TYR: variants seen among roughly 807,000 people sequenced by gnomAD.
The protein encoded by TYR is LB24-AB.
In TYR, 58 loss-of-function variants were observed where a neutral mutation model predicts 51.5. The observed-to-expected ratio is 1.13, with a 90% CI of 0.91 to 1.40. The LOEUF (loss-of-function observed/expected upper bound fraction) is 1.40. TYR is among the 40% of genes most tolerant of loss of function. TYR has a pLI of 0.00. For missense variants in TYR, 732 were observed against 647.4 expected, an observed-to-expected ratio of 1.13 and a Z score of -1.42; for synonymous variants, 263 against 235.2, an observed-to-expected ratio of 1.12 and a Z score of -1.08.
chr11:89,220,496 A>C (rs1228184883), intron 2 of TYR, among the ~76,000 whole-genome samples: 4 of 152,240 alleles, frequency 2.6e-5, no homozygotes, highest in Admixed American at 2.0e-4. Context: ...ACACATATCC[A>C]AACTATATCA....
chr11:89,262,538 T>C (rs1289679212), intron 3 of TYR, among the ~76,000 whole-genome samples: 9 of 125,570 alleles, frequency 7.2e-5, no homozygotes, highest in Admixed American at 1.6e-4. Flanking sequence ...GTAGAGAAAA[T>C]CAATGAAACA....
Position 89,191,471 on chromosome 11 carries a change from C to A in TYR, c.1036+53C>A, listed in dbSNP as rs897823199. On this transcript the variant is annotated intron_variant, in intron 2 of 4. Coordinates refer to ENST00000263321, the MANE Select transcript of TYR (RefSeq NM_000372.5). ...TTTTTTCTGAATTCATATTTACAGT[C>A]TCTTATCCAAAGTCCTAGGAGGTAT... The A allele has an allele frequency of 2.6e-6, 4 of 1,543,650 alleles. No individual in the cohort carries two copies. The Admixed American group carries it at 5.0e-5, about 19-fold the overall frequency.
intron 2 of TYR, among the ~76,000 whole-genome samples, chr11:89,199,474 C>T (rs1400227162): frequency 2.0e-5 from 3 of 152,124 alleles, no homozygotes; most frequent in African/African-American, 7.2e-5. Context: ...TAGGAAGATT[C>T]ACTGGAAAGA....
At chr11:89,222,037 A>T (rs1184397535) in intron 2 of TYR, among the ~76,000 whole-genome samples, 1 of 152,262 alleles carries the variant, frequency 6.6e-6, no homozygotes, top group East Asian at 1.9e-4. Context: ...TTCTTAAATC[A>T]TAATTTTCAA....
chr11:89,255,469 G>A (rs1944379455), intron 3 of TYR, among the ~76,000 whole-genome samples: 1 of 151,640 alleles, frequency 6.6e-6, no homozygotes, highest in Admixed American at 6.6e-5. Flanking sequence ...GGAAGGGTTT[G>A]TATTTAATTG....
intron 3 of TYR, among the ~76,000 whole-genome samples, chr11:89,242,132 G>A (rs1473027054): frequency 6.6e-6 from 1 of 152,108 alleles, no homozygotes; most frequent in East Asian, 1.9e-4. Context: ...TTCAGAGAAA[G>A]ATGAGTGTCC....
intron 3 of TYR, among the ~76,000 whole-genome samples, chr11:89,248,381 G>GCTAC (rs1216177412): frequency 3.9e-5 from 6 of 152,062 alleles, no homozygotes; most frequent in African/African-American, 1.4e-4. Flanking sequence ...GTTGAGATAG[G>GCTAC]CTACCTATAG....
chr11:89,223,203 G>A lies in TYR; in HGVS notation c.1037-4620G>A, dbSNP rs1279336999. The stretch of plus-strand genomic sequence containing the variant: ...TAGTTTTCACATTTGTAAAACTGAG[G>A]TAATGATAATATTCATATCACAAGT... On this transcript the variant is annotated intron_variant, in intron 2 of 4. Transcript: ENST00000263321. Among the ~76,000 whole-genome samples the A allele has an allele frequency of 6.6e-5, 10 of 152,244 alleles. No homozygotes were observed. The East Asian group carries it at 1.7e-3, about 26-fold the overall frequency.
intron 2 of TYR, among the ~76,000 whole-genome samples, chr11:89,195,115 A>G (rs1455583434): frequency 6.6e-6 from 1 of 152,194 alleles, no homozygotes; most frequent in Non-Finnish European, 1.5e-5. Flanking sequence ...AGAGGAGAGC[A>G]AATGTCAAAA....
At chr11:89,181,478 A>C (rs941832685) in intron 1 of TYR, among the ~76,000 whole-genome samples, 1 of 152,236 alleles carries the variant, frequency 6.6e-6, no homozygotes, top group African/African-American at 2.4e-5. Context: ...GCCTTTGTCC[A>C]AATTGAATGC....
chr11:89,211,798 C>A (rs957938895), intron 2 of TYR, among the ~76,000 whole-genome samples: 2 of 152,148 alleles, frequency 1.3e-5, no homozygotes, highest in Non-Finnish European at 2.9e-5. Context: ...GAAATTCACT[C>A]AAAACCACAC....
chr11:89,222,268 G>T (rs897069794), intron 2 of TYR, among the ~76,000 whole-genome samples: 6 of 152,156 alleles, frequency 3.9e-5, no homozygotes, highest in Non-Finnish European at 7.3e-5. Flanking sequence ...CTGGTCACAT[G>T]TTAGAACGAC....
chr11:89,290,000 G>A (rs1487212423), intron 4 of TYR, among the ~76,000 whole-genome samples: 1 of 151,940 alleles, frequency 6.6e-6, no homozygotes, highest in Non-Finnish European at 1.5e-5. Context: ...TAGTTTAATC[G>A]CTCCAGGCAG....
intron 4 of TYR, among the ~76,000 whole-genome samples, chr11:89,287,285 T>C (rs1434686855): frequency 6.6e-6 from 1 of 151,882 alleles, no homozygotes; most frequent in Non-Finnish European, 1.5e-5. Context: ...TTAACTAATA[T>C]AAGTGAAGTT....
intron 2 of TYR, among the ~76,000 whole-genome samples, chr11:89,198,733 C>T (rs577428425): frequency 1.3e-5 from 2 of 148,642 alleles, no homozygotes; most frequent in South Asian, 4.2e-4. Context: ...ACTCATTTTA[C>T]TCAAAAGGTA....
At chr11:89,224,929 A>AT (rs10671315) in intron 2 of TYR, among the ~76,000 whole-genome samples, 37,029 of 149,762 alleles carry the variant, frequency 0.25, 4,591 homozygotes, top group Non-Finnish European at 0.27. Flanking sequence ...TGTAAAAACT[A>AT]TTTTTTTTTT....
intron 3 of TYR, among the ~76,000 whole-genome samples, chr11:89,228,539 A>ACC (rs1251807469): frequency 6.6e-6 from 1 of 152,196 alleles, no homozygotes; most frequent in East Asian, 1.9e-4. Context: ...CCTGGCACTA[A>ACC]CCTACTACAT....
At chr11:89,202,214 A>G (rs765959210) in intron 2 of TYR, among the ~76,000 whole-genome samples, 4 of 152,112 alleles carry the variant, frequency 2.6e-5, no homozygotes, top group Non-Finnish European at 5.9e-5. Flanking sequence ...GGCAGGGTAA[A>G]AGGTGTTTTC....
At chr11:89,196,642 C>T (rs889947264) in intron 2 of TYR, among the ~76,000 whole-genome samples, 1 of 152,144 alleles carries the variant, frequency 6.6e-6, no homozygotes, top group Non-Finnish European at 1.5e-5. Context: ...CTTGGTTGAT[C>T]ATATATTGTT....
Sources: allele counts gnomAD v4.1 joint callset (sites outside exome capture counted in the v4.1 genomes callset), GRCh38; gene constraint gnomAD v4.1.1; transcripts MANE v1.5; gene names NCBI Gene and HGNC (gene_info 2026-07-23, HGNC 2026-07-21).